Variants in PTGER3 observed in about 807,000 individuals in gnomAD.
The protein encoded by PTGER3 is prostaglandin E2 receptor EP3 subtype.
A neutral mutation model predicts 34.7 loss-of-function variants in PTGER3; 22 were observed. That is an observed-to-expected ratio of 0.63 (90% CI 0.45 to 0.91). PTGER3 has a LOEUF of 0.91. Ranked by LOEUF, PTGER3 falls within the 40% of genes least tolerant of loss-of-function variation. PTGER3 has a pLI of 0.00. For missense variants in PTGER3, 468 were observed against 519.4 expected (o/e 0.90, Z 0.96); for synonymous variants, 241 against 230.1 (o/e 1.05, Z -0.43).
At chr1:70,869,119 A>T (rs183163673) in intron 4 of PTGER3, 305 of 353,826 alleles carry the variant, frequency 8.6e-4, no homozygotes, top group African/African-American at 5.8e-3. Flanking sequence ...TGCTTTACTC[A>T]TAACGGAAGG....
intron 1 of PTGER3, among the ~76,000 whole-genome samples, chr1:71,019,613 C>T (rs1340769304): frequency 3.9e-5 from 6 of 152,130 alleles, no homozygotes; most frequent in Middle Eastern, 6.3e-3. Flanking sequence ...CCAGTGATAA[C>T]GTTCTTTTAA....
chr1:70,926,942 G>A (rs1012848875), intron 4 of PTGER3, among the ~76,000 whole-genome samples: 3 of 152,146 alleles, frequency 2.0e-5, no homozygotes, highest in Non-Finnish European at 4.4e-5. Context: ...AGATAACCAT[G>A]TGGTTTTTGT....
intron 4 of PTGER3, among the ~76,000 whole-genome samples, chr1:70,940,187 AAG>A (rs1292131183): frequency 6.6e-6 from 1 of 152,156 alleles, no homozygotes; most frequent in African/African-American, 2.4e-5. Context: ...AAAACATAAC[AAG>A]AGTCACCTTT....
chr1:71,029,668 G>A (rs989517808), intron 1 of PTGER3, among the ~76,000 whole-genome samples: 2 of 152,122 alleles, frequency 1.3e-5, no homozygotes, highest in African/African-American at 4.8e-5. Flanking sequence ...GCTCACACCT[G>A]TAATCCCAGT....
intron 4 of PTGER3, among the ~76,000 whole-genome samples, chr1:70,875,847 C>CA (rs768886477): frequency 6.6e-6 from 1 of 152,084 alleles, no homozygotes; most frequent in Non-Finnish European, 1.5e-5. Context: ...CATCCATGGG[C>CA]ATTTAGGTTG....
chr1:70,881,855 T>G (rs1646397693), intron 4 of PTGER3, among the ~76,000 whole-genome samples: 1 of 152,244 alleles, frequency 6.6e-6, no homozygotes, highest in South Asian at 2.1e-4. Flanking sequence ...AACATAAGGT[T>G]GCACCTGTCT....
intron 4 of PTGER3, among the ~76,000 whole-genome samples, chr1:70,855,343 G>A (rs6424405): frequency 0.86 from 131,484 of 152,060 alleles, 57,087 homozygotes; most frequent in South Asian, 0.94. Flanking sequence ...GTTGTTTTTC[G>A]ATGGGTATAG....
At chr1:71,024,510 G>A (rs1658706571) in intron 1 of PTGER3, among the ~76,000 whole-genome samples, 2 of 152,226 alleles carry the variant, frequency 1.3e-5, no homozygotes, top group East Asian at 3.9e-4. Flanking sequence ...GCCAAGCCCA[G>A]TAGATTAATA....
intron 1 of PTGER3, among the ~76,000 whole-genome samples, chr1:71,045,147 A>G (rs544467701): frequency 1.3e-5 from 2 of 152,320 alleles, no homozygotes; most frequent in African/African-American, 2.4e-5. Flanking sequence ...AGGTCTCAGC[A>G]TAACACTCCT....
chr1:70,977,681 T>G (rs896820498), intron 2 of PTGER3, among the ~76,000 whole-genome samples: 11 of 152,030 alleles, frequency 7.2e-5, no homozygotes, highest in Non-Finnish European at 1.6e-4. Flanking sequence ...CCCGCTCCCA[T>G]AGCTATCCCC....
chr1:71,024,090 T>C (rs537812969), intron 1 of PTGER3, among the ~76,000 whole-genome samples: 1 of 149,832 alleles, frequency 6.7e-6, no homozygotes, highest in East Asian at 1.9e-4. Context: ...CCTCTTTACT[T>C]GGTGAGTACC....
At chr1:70,945,691 T>C (rs1339320441) in intron 4 of PTGER3, among the ~76,000 whole-genome samples, 1 of 152,134 alleles carries the variant, frequency 6.6e-6, no homozygotes, top group Non-Finnish European at 1.5e-5. Context: ...AAAGCTGTTT[T>C]TATCTTTTGA....
At chr1:70,985,135 A>G (rs1381883278) in intron 2 of PTGER3, among the ~76,000 whole-genome samples, 2 of 152,184 alleles carry the variant, frequency 1.3e-5, no homozygotes, top group African/African-American at 4.8e-5. Context: ...GTAGGAGATA[A>G]CATCCTTACT....
downstream of PTGER3, among the ~76,000 whole-genome samples, chr1:70,967,989 C>T (rs796500327): frequency 1.8e-4 from 27 of 152,312 alleles, no homozygotes; most frequent in African/African-American, 5.1e-4. Context: ...ACACAATATT[C>T]TCTGTTCTCT....
chr1:71,028,024 TCAATTAAACTGTGTAG>T (rs1659087865), intron 1 of PTGER3, among the ~76,000 whole-genome samples: 1 of 152,156 alleles, frequency 6.6e-6, no homozygotes, highest in South Asian at 2.1e-4. Flanking sequence ...CTTTATTCTG[TCAATTAAACTGTGTAG>T]GTATCATCAC....
At chr1:71,014,427 G>C (rs1044924890) in intron 1 of PTGER3, among the ~76,000 whole-genome samples, 1 of 152,070 alleles carries the variant, frequency 6.6e-6, no homozygotes, top group Non-Finnish European at 1.5e-5. Flanking sequence ...TTTGAATTAT[G>C]GTAATAACAG....
chr1:70,988,081 T>C (rs1015814492), intron 2 of PTGER3, among the ~76,000 whole-genome samples: 1 of 152,162 alleles, frequency 6.6e-6, no homozygotes, highest in Non-Finnish European at 1.5e-5. Flanking sequence ...TTAGTCACAA[T>C]ATGACCATTT....
intron 2 of PTGER3, among the ~76,000 whole-genome samples, chr1:70,994,526 TG>T (rs1393640028): frequency 6.6e-6 from 1 of 152,076 alleles, no homozygotes; most frequent in Non-Finnish European, 1.5e-5. Context: ...AGTGCGATCT[TG>T]GCCCGCTGCA....
intron 3 of PTGER3, among the ~76,000 whole-genome samples, chr1:70,972,482 C>T (rs1023756240): frequency 6.6e-6 from 1 of 151,918 alleles, no homozygotes; most frequent in African/African-American, 2.4e-5. Context: ...CTTTAAAGAA[C>T]ATTAAATATT....
Sources: allele counts gnomAD v4.1 joint callset (sites outside exome capture counted in the v4.1 genomes callset), GRCh38; gene constraint gnomAD v4.1.1; transcripts MANE v1.5; gene names NCBI Gene and HGNC (gene_info 2026-07-23, HGNC 2026-07-21).